Variants in HS6ST3 observed in about 807,000 individuals in gnomAD.
HS6ST3 encodes heparan-sulfate 6-O-sulfotransferase 3.
HS6ST3 carries 12 observed loss-of-function variants against 36.7 expected under a neutral mutation model. The ratio of observed to expected loss-of-function variants is 0.33; its 90% CI spans 0.21 to 0.53. The LOEUF (loss-of-function observed/expected upper bound fraction) is 0.53. Among genes scored for constraint, HS6ST3 ranks in the 20% least tolerant of loss-of-function variants. The pLI is 0.95. For missense variants in HS6ST3, 584 were observed against 640.9 expected (o/e 0.91, Z 0.96); for synonymous variants, 240 against 257.5 (o/e 0.93, Z 0.65).
chr13:96,178,735 C>T (rs930119216), intron 1 of HS6ST3, among the ~76,000 whole-genome samples: 2 of 152,038 alleles, frequency 1.3e-5, no homozygotes, highest in Admixed American at 1.3e-4. Flanking sequence ...TGTCCTTGCT[C>T]TTTGGGAGAC....
intron 1 of HS6ST3, among the ~76,000 whole-genome samples, chr13:96,171,320 G>GT (rs2054186759): frequency 6.6e-6 from 1 of 152,050 alleles, no homozygotes; most frequent in African/African-American, 2.4e-5. Context: ...TCTGTCCTGC[G>GT]TGAGTGGTTT....
intron 1 of HS6ST3, among the ~76,000 whole-genome samples, chr13:96,531,112 T>G (rs1316965731): frequency 6.6e-6 from 1 of 152,032 alleles, no homozygotes; most frequent in Non-Finnish European, 1.5e-5. Flanking sequence ...CTTTCCACTT[T>G]CTCTCTCTCT....
intron 1 of HS6ST3, among the ~76,000 whole-genome samples, chr13:96,399,443 C>T (rs550832289): frequency 3.7e-4 from 57 of 152,284 alleles, no homozygotes; most frequent in Non-Finnish European, 7.6e-4. Flanking sequence ...CTGTTCACAC[C>T]TCTTTATACA....
intron 1 of HS6ST3, among the ~76,000 whole-genome samples, chr13:96,527,606 G>A (rs1202985882): frequency 3.9e-5 from 6 of 152,152 alleles, no homozygotes; most frequent in Admixed American, 2.6e-4. Context: ...GTCAGATAAA[G>A]CATCTTGGAG....
At chr13:96,344,163 AATGT>A (rs1358546044) in intron 1 of HS6ST3, among the ~76,000 whole-genome samples, 3 of 152,222 alleles carry the variant, frequency 2.0e-5, no homozygotes, top group Admixed American at 2.0e-4. Flanking sequence ...AGCTCTTAAA[AATGT>A]TAACACTTTA....
chr13:96,347,327 C>T (rs760680292), intron 1 of HS6ST3, among the ~76,000 whole-genome samples: 1 of 152,190 alleles, frequency 6.6e-6, no homozygotes, highest in East Asian at 1.9e-4. Flanking sequence ...AACAAAAGCA[C>T]GTTATGGTTG....
rs77887789 is a variant in HS6ST3 at position 96,170,681 on chromosome 13, T to A, written c.707+79112T>A. Among the ~76,000 whole-genome samples the A allele has an allele frequency of 4.2e-3, 646 of 152,296 alleles. 3 individuals carry two copies. The highest frequency in any genetic ancestry group is 0.015 in the African/African-American group (615 of 41,560). ...CACTGGAACTGTCATGGGGAACTCA[T>A]TGCTACAGAGGAGGAAAATGGAGAT... is the stretch of plus-strand genomic sequence containing the variant. On this transcript the variant is annotated intron_variant, in intron 1 of 1. Transcript: ENST00000376705.
chr13:96,809,171 C>T (rs1234384910), intron 1 of HS6ST3, among the ~76,000 whole-genome samples: 1 of 152,078 alleles, frequency 6.6e-6, no homozygotes, highest in Non-Finnish European at 1.5e-5. Flanking sequence ...AGTTATGGTT[C>T]TTGTTAGCCC....
intron 1 of HS6ST3, among the ~76,000 whole-genome samples, chr13:96,254,965 G>A (rs2054629900): frequency 6.6e-6 from 1 of 152,068 alleles, no homozygotes; most frequent in African/African-American, 2.4e-5. Flanking sequence ...AATTTTAAGT[G>A]GATTTCAGCT....
Position 96,090,756 on chromosome 13 carries a change from G to C in HS6ST3, c.-107G>C. 1.1e-6 allele frequency: 1 copy of C among 891,388 alleles called. No homozygotes were observed. Among genetic ancestry groups the C allele is most frequent in the Non-Finnish European group, 1.5e-6 (1 of 674,980 alleles). The allele number at this position is 891,388 out of a possible 1,614,324, so 55.2% of individuals were successfully genotyped here. The stretch of plus-strand genomic sequence containing the variant: ...TCGGCGTCAGGGGCATGGAGGAACG[G>C]CGGGCTCCGAGCCGCGCCCCGGAGT... On this transcript the variant is annotated 5_prime_UTR_variant, in exon 1 of 2. Coordinates refer to ENST00000376705, the MANE Select transcript of HS6ST3 (RefSeq NM_153456.4).
chr13:96,122,803 C>A (rs964417400), intron 1 of HS6ST3, among the ~76,000 whole-genome samples: 1 of 152,120 alleles, frequency 6.6e-6, no homozygotes, highest in African/African-American at 2.4e-5. Context: ...GGGGCCCTAA[C>A]AAACAAATAG....
intron 1 of HS6ST3, among the ~76,000 whole-genome samples, chr13:96,707,870 T>C (rs1875465951): frequency 6.6e-6 from 1 of 152,196 alleles, no homozygotes; most frequent in South Asian, 2.1e-4. Flanking sequence ...AAAGGAAAAG[T>C]ATTCAATACC....
At chr13:96,687,193 G>A (rs1447347079) in intron 1 of HS6ST3, among the ~76,000 whole-genome samples, 1 of 151,566 alleles carries the variant, frequency 6.6e-6, no homozygotes, top group Non-Finnish European at 1.5e-5. Flanking sequence ...AATCTGTACG[G>A]TGAGACCAAT....
chr13:96,100,916 G>A (rs2053815175), intron 1 of HS6ST3, among the ~76,000 whole-genome samples: 1 of 152,098 alleles, frequency 6.6e-6, no homozygotes, highest in African/African-American at 2.4e-5. Context: ...GACCAAGATC[G>A]GATACCCCAT....
chr13:96,475,508 A>T (rs1364300253), intron 1 of HS6ST3, among the ~76,000 whole-genome samples: 1 of 151,736 alleles, frequency 6.6e-6, no homozygotes, highest in Non-Finnish European at 1.5e-5. Context: ...AAACGTCTGC[A>T]TGTCCCTTGA....
chr13:96,204,472 G>C (rs2054359628), intron 1 of HS6ST3, among the ~76,000 whole-genome samples: 2 of 152,038 alleles, frequency 1.3e-5, no homozygotes, highest in South Asian at 4.1e-4. Flanking sequence ...ATATATTCAG[G>C]ACCTGAACTC....
At chr13:96,516,742 T>A (rs979265510) in intron 1 of HS6ST3, among the ~76,000 whole-genome samples, 3 of 152,206 alleles carry the variant, frequency 2.0e-5, no homozygotes, top group Non-Finnish European at 4.4e-5. Flanking sequence ...ACTGACAACC[T>A]AAATAGTTTT....
chr13:96,161,991 C>T (rs1468450861), intron 1 of HS6ST3, among the ~76,000 whole-genome samples: 2 of 151,978 alleles, frequency 1.3e-5, no homozygotes, highest in Non-Finnish European at 2.9e-5. Context: ...CAAAAACAAA[C>T]GTTTACAAAA....
intron 1 of HS6ST3, among the ~76,000 whole-genome samples, chr13:96,286,417 C>A (rs1009510952): frequency 6.6e-6 from 1 of 151,790 alleles, no homozygotes; most frequent in African/African-American, 2.4e-5. Flanking sequence ...AAAATTTTAT[C>A]GTGTAATGTT....
Sources: gnomAD v4.1 joint callset for allele counts (sites outside exome capture counted in the v4.1 genomes callset) on GRCh38, gnomAD v4.1.1 for gene constraint, MANE v1.5 for transcripts, NCBI Gene and HGNC (gene_info 2026-07-23, HGNC 2026-07-21) for gene names.